Variants in PKP2 observed in about 807,000 individuals in gnomAD.
PKP2 encodes plakophilin-2.
PKP2 carries 73 observed loss-of-function variants against 83.4 expected under a neutral mutation model. The observed-to-expected ratio is 0.88, with a 90% CI of 0.72 to 1.06. PKP2 has a LOEUF of 1.06. PKP2 is among the 50% of genes least tolerant of loss of function. PKP2 has a pLI of 0.00. For missense variants in PKP2, 966 were observed against 1,065.4 expected, an observed-to-expected ratio of 0.91 and a Z score of 1.30; for synonymous variants, 409 against 430.4, an observed-to-expected ratio of 0.95 and a Z score of 0.62.
At chr12:32,823,918 A>C (rs1219314522) in intron 7 of PKP2, 127 bp downstream of exon 7, 6 of 727,110 alleles carry the variant, frequency 8.3e-6, no homozygotes, top group Non-Finnish European at 1.5e-5. Flanking sequence ...TAATATTTCT[A>C]AGGATGAATG....
At chr12:32,895,169 C>T (rs1957110855) in intron 1 of PKP2, among the ~76,000 whole-genome samples, 2 of 152,052 alleles carry the variant, frequency 1.3e-5, no homozygotes, top group South Asian at 4.2e-4. Flanking sequence ...GATGAAAATA[C>T]CTAACTCACA....
At chr12:32,817,622 A>G (rs1956332212) in intron 9 of PKP2, among the ~76,000 whole-genome samples, 1 of 152,212 alleles carries the variant, frequency 6.6e-6, no homozygotes, top group South Asian at 2.1e-4. Flanking sequence ...AATTTATCAA[A>G]TATTTACTTT....
rs1956688120 is a variant in PKP2 at position 32,850,755 on chromosome 12, G to T, written c.1378+11C>A. On this transcript the variant is annotated intron_variant, in intron 5 of 12. Transcript: ENST00000340811. Reference sequence around the variant, plus strand: ...AATGTGTTAGGTTCTTCAATGTTCAGTAAGCACTACCTGTTATTTGTTTTT... The same window carrying T: ...AATGTGTTAGGTTCTTCAATGTTCATTAAGCACTACCTGTTATTTGTTTTT... The T allele has an allele frequency of 3.1e-6, 5 of 1,605,482 alleles. No individual in the cohort carries two copies. The highest frequency in any genetic ancestry group is 1.3e-5 in the African/African-American group (1 of 74,710).
chr12:32,878,255 T>C lies in PKP2; in HGVS notation c.625A>G (p.Ser209Gly), dbSNP rs1442721723. Residue 209 changes from serine to glycine, a missense_variant, in exon 3 of 13, where the codon AGC (serine) becomes GGC (glycine). Ser to Gly is a moderately conservative substitution (Grantham distance 56). Coordinates refer to ENST00000340811, the MANE Select transcript of PKP2 (RefSeq NM_001005242.3). ...TATGTGTCAAAGTGGCGCTGCCTGC[T>C]TGTGGTGCCAGCACGGCTGACCCCC... is the stretch of plus-strand genomic sequence containing the variant. The part of the protein sequence containing the change: ...IVGVSRAGTT[S>G]RQRHFDTYHR... 4 of 1,613,822 alleles carry C rather than the reference T, an allele frequency of 2.5e-6. No homozygotes were observed. Among genetic ancestry groups the C allele is most frequent in the African/African-American group, 1.3e-5 (1 of 74,864 alleles).
At chr12:32,835,337 GC>G (rs1023189140) in intron 6 of PKP2, among the ~76,000 whole-genome samples, 1 of 152,136 alleles carries the variant, frequency 6.6e-6, no homozygotes, top group African/African-American at 2.4e-5. Context: ...ACAGGCATGA[GC>G]CACCGTGCCC....
intron 9 of PKP2, among the ~76,000 whole-genome samples, chr12:32,806,974 T>C (rs1291555610): frequency 6.6e-6 from 1 of 152,212 alleles, no homozygotes; most frequent in African/African-American, 2.4e-5. Context: ...CCACAAGTAA[T>C]TCAGGAGCAG....
intron 10 of PKP2, among the ~76,000 whole-genome samples, chr12:32,798,411 T>C (rs1028318219): frequency 2.0e-5 from 3 of 151,726 alleles, no homozygotes; most frequent in African/African-American, 7.3e-5. Flanking sequence ...AAAAGAGAAA[T>C]AAACTATTTT....
At chr12:32,870,358 T>C (rs1045997198) in intron 3 of PKP2, among the ~76,000 whole-genome samples, 1 of 152,092 alleles carries the variant, frequency 6.6e-6, no homozygotes, top group Non-Finnish European at 1.5e-5. Context: ...GACCAAAAAC[T>C]AATACCCCCT....
At chr12:32,839,886 G>A (rs1956574567) in intron 6 of PKP2, among the ~76,000 whole-genome samples, 1 of 152,192 alleles carries the variant, frequency 6.6e-6, no homozygotes, top group South Asian at 2.1e-4. Context: ...TGCCTTTCAA[G>A]AATGTGGTCC....
At chr12:32,833,053 G>A (rs548320226) in intron 6 of PKP2, among the ~76,000 whole-genome samples, 1 of 152,288 alleles carries the variant, frequency 6.6e-6, no homozygotes, top group Admixed American at 6.5e-5. Flanking sequence ...GACCAGCCTG[G>A]CCAATATGGT....
At chr12:32,839,681 C>T (rs1234242502) in intron 6 of PKP2, among the ~76,000 whole-genome samples, 3 of 152,074 alleles carry the variant, frequency 2.0e-5, no homozygotes, top group African/African-American at 4.8e-5. Context: ...CCACCATTTT[C>T]AATGGAAAGA....
At chr12:32,851,461 A>G (rs1284892866) in intron 4 of PKP2, among the ~76,000 whole-genome samples, 3 of 152,074 alleles carry the variant, frequency 2.0e-5, no homozygotes, top group Non-Finnish European at 4.4e-5. Context: ...TAGTAATGCA[A>G]ACTAACCCTA....
intron 5 of PKP2, among the ~76,000 whole-genome samples, chr12:32,841,875 G>A (rs546904945): frequency 1.7e-4 from 26 of 152,316 alleles, no homozygotes; most frequent in African/African-American, 6.0e-4. Flanking sequence ...TGGCAGTGAA[G>A]GAGAGACAAC....
intron 11 of PKP2, among the ~76,000 whole-genome samples, chr12:32,795,433 T>A (rs1247185330): frequency 6.6e-6 from 1 of 151,260 alleles, no homozygotes; most frequent in Non-Finnish European, 1.5e-5. Flanking sequence ...CAGGCTGGAG[T>A]GCAGTGGCAC....
chr12:32,827,848 G>A (rs1276212258), intron 6 of PKP2, among the ~76,000 whole-genome samples: 2 of 152,132 alleles, frequency 1.3e-5, no homozygotes, highest in East Asian at 3.9e-4. Context: ...TTGATTAAAC[G>A]ATGGGTTTAT....
At chr12:32,871,511 G>A (rs961926000) in intron 3 of PKP2, among the ~76,000 whole-genome samples, 8 of 151,842 alleles carry the variant, frequency 5.3e-5, no homozygotes, top group Non-Finnish European at 5.9e-5. Context: ...TGTCACCCAG[G>A]CTGGAGTGCA....
chr12:32,887,595 G>C (rs1031795978), intron 1 of PKP2, among the ~76,000 whole-genome samples: 16 of 152,156 alleles, frequency 1.1e-4, no homozygotes, highest in Non-Finnish European at 1.9e-4. Context: ...CTGGACTACA[G>C]GTGTGTGCCA....
chr12:32,792,541 A>C (rs1956079061), intron 12 of PKP2, 49 bp from the exon 13 acceptor site: 2 of 1,574,346 alleles, frequency 1.3e-6, no homozygotes, highest in African/African-American at 1.3e-5. Flanking sequence ...ACTGGCACAC[A>C]AGAAAATGCA....
chr12:32,799,926 T>C (rs952987011), intron 10 of PKP2, among the ~76,000 whole-genome samples: 2 of 152,216 alleles, frequency 1.3e-5, no homozygotes, highest in Non-Finnish European at 2.9e-5. Context: ...CAAAAATCTA[T>C]TGAAAATTCT....
Sources: gnomAD v4.1 joint callset for allele counts (sites outside exome capture counted in the v4.1 genomes callset) on GRCh38, gnomAD v4.1.1 for gene constraint, MANE v1.5 for transcripts, NCBI Gene and HGNC (gene_info 2026-07-23, HGNC 2026-07-21) for gene names.